Variants in DOCK5 observed in about 807,000 individuals in gnomAD.
DOCK5 encodes the protein dedicator of cytokinesis protein 5.
Under a neutral mutation model 251.8 loss-of-function variants are expected in DOCK5, and 142 were observed. That is an observed-to-expected ratio of 0.56 (90% confidence interval 0.49 to 0.65). The LOEUF (loss-of-function observed/expected upper bound fraction) is 0.65. DOCK5 is among the 30% of genes least tolerant of loss of function. DOCK5 has a pLI of 0.00. For synonymous variants in DOCK5, 842 were observed against 835.5 expected (o/e 1.01, Z -0.13); for missense variants, 2,111 against 2,312.3 (o/e 0.91, Z 1.79).
chr8:25,193,229 C>T (rs1391404799), intron 1 of DOCK5, among the ~76,000 whole-genome samples: 1 of 152,086 alleles, frequency 6.6e-6, no homozygotes, highest in Admixed American at 6.6e-5. Flanking sequence ...CAATACATAA[C>T]CTTATTTTAT....
At position 25,336,513 on chromosome 8, in the gene DOCK5, A is replaced by G. The variant is rs1805814082; in HGVS notation, c.2327+140A>G. 2.8e-5 allele frequency: 33 copies of G among 1,183,644 alleles called. 1 individual carries two copies. In the South Asian group the frequency reaches 5.5e-4, roughly 20 times the overall value. 73.3% of individuals were successfully genotyped at this position (1,183,644 alleles called of 1,614,324 possible). On this transcript the variant is annotated intron_variant, in intron 22 of 51. Coordinates refer to ENST00000276440, the MANE Select transcript of DOCK5 (RefSeq NM_024940.8). ...TTATTTCAGAACTGCAGGGCTGAAGATGGATTTGGGCTGCGTGTCTGTTGG... is the reference window on the plus strand; with the variant it reads ...TTATTTCAGAACTGCAGGGCTGAAGGTGGATTTGGGCTGCGTGTCTGTTGG...
chr8:25,415,074 C>G lies in DOCK5; in HGVS notation c.*3776C>G, dbSNP rs750169242. The G allele has an allele frequency of 1.3e-5, 2 of 152,084 alleles. No homozygotes were observed. Among genetic ancestry groups the G allele is most frequent in the Non-Finnish European group, 2.9e-5 (2 of 68,028 alleles). 9.4% of individuals were successfully genotyped at this position (152,084 alleles called of 1,614,324 possible). ...CATGGACTATACTTGTCCCATTTATCATCCCAGGTGGTGCTTTGACCCTGC... is the reference window on the plus strand; with the variant it reads ...CATGGACTATACTTGTCCCATTTATGATCCCAGGTGGTGCTTTGACCCTGC... On this transcript the variant is annotated 3_prime_UTR_variant, in exon 52 of 52. Transcript: ENST00000276440.
chr8:25,257,504 G>A (rs543666442), intron 2 of DOCK5, among the ~76,000 whole-genome samples: 3 of 152,272 alleles, frequency 2.0e-5, no homozygotes, highest in Admixed American at 6.5e-5. Flanking sequence ...ACGACATAAA[G>A]TTTTCCAAAG....
chr8:25,230,852 AAAATAAAT>A (rs911816594), intron 1 of DOCK5, among the ~76,000 whole-genome samples: 4 of 152,092 alleles, frequency 2.6e-5, no homozygotes, highest in African/African-American at 9.7e-5. Context: ...CTCCATCTCA[AAAATAAAT>A]AAATAAATAA....
Position 25,382,760 on chromosome 8 carries a change from C to T in DOCK5, c.4113C>T (p.Gly1371=), listed in dbSNP as rs748654502. The T allele has an allele frequency of 9.3e-6, 15 of 1,613,216 alleles. No individual in the cohort carries two copies. The highest frequency in any genetic ancestry group is 1.3e-5 in the Non-Finnish European group (15 of 1,179,544). ...TTGCTGTTGGATACTATGGACAGGGCTTTCCTTCTTTCCTACGGGTAAGAA... is the reference window on the plus strand; with the variant it reads ...TTGCTGTTGGATACTATGGACAGGGTTTTCCTTCTTTCCTACGGGTAAGAA... ...EYFAVGYYGQ[G]FPSFLRNKIF... is the part of the protein sequence containing the mutation. Residue 1371 remains glycine, a synonymous_variant, in exon 40 of 52, where the codon GGC becomes GGT. Coordinates refer to ENST00000276440, the MANE Select transcript of DOCK5 (RefSeq NM_024940.8).
intron 1 of DOCK5, among the ~76,000 whole-genome samples, chr8:25,207,340 A>C (rs982096288): frequency 1.6e-4 from 25 of 152,224 alleles, no homozygotes; most frequent in Non-Finnish European, 4.4e-5. Context: ...AAGTGGCTAC[A>C]CTAACAACAT....
intron 2 of DOCK5, among the ~76,000 whole-genome samples, chr8:25,266,280 A>G (rs1414227151): frequency 6.6e-6 from 1 of 150,674 alleles, no homozygotes; most frequent in Admixed American, 6.6e-5. Flanking sequence ...CAGTGGCACT[A>G]TCTCGGCTCA....
At chr8:25,389,614 C>T (rs928980492) in intron 41 of DOCK5, among the ~76,000 whole-genome samples, 7 of 152,126 alleles carry the variant, frequency 4.6e-5, no homozygotes, top group African/African-American at 1.4e-4. Flanking sequence ...AGAGCAGGAG[C>T]GCTTACACTT....
chr8:25,336,142 A>G (rs1805798663), intron 21 of DOCK5, 97 bp from the exon 22 acceptor site: 7 of 1,330,348 alleles, frequency 5.3e-6, no homozygotes, highest in South Asian at 2.8e-5. Context: ...TATGACTTCT[A>G]CTTCCAGGAT....
rs113752971 is a variant in DOCK5, at chr8:25,389,165, C to T, written c.4206C>T (p.Phe1402=). ...TCAGCCTGAGGTTGTTAACCCAGTT[C>T]CCCAATGCGGAGAAGATGACCAGTA... ...EDFSLRLLTQ[F]PNAEKMTSTT... The change falls in exon 41 of 52, where the codon TTC becomes TTT. Residue 1402 remains phenylalanine, a synonymous_variant. Transcript: ENST00000276440. 1.4e-4 allele frequency: 223 copies of T among 1,613,982 alleles called. No homozygotes were observed. The African/African-American group carries it at 2.0e-3, about 15-fold the overall frequency.
chr8:25,319,794 G>A, intron 15 of DOCK5, 118 bp downstream of exon 15: 1 of 639,614 alleles, frequency 1.6e-6, no homozygotes. Context: ...AGTTGCCTAT[G>A]GTGTGCAGTA....
chr8:25,247,747 T>C (rs568103105), intron 2 of DOCK5, among the ~76,000 whole-genome samples: 14 of 152,282 alleles, frequency 9.2e-5, no homozygotes, highest in African/African-American at 3.4e-4. Context: ...CACAGATACA[T>C]TCATTTCAAA....
chr8:25,220,979 T>TG (rs1802371518), intron 1 of DOCK5, among the ~76,000 whole-genome samples: 1 of 152,044 alleles, frequency 6.6e-6, no homozygotes, highest in South Asian at 2.1e-4. Flanking sequence ...TCTGGACCTG[T>TG]GGAGGGGGTG....
chr8:25,323,779 A>G, intron 16 of DOCK5, 69 bp from the exon 17 acceptor site: 1 of 1,538,780 alleles, frequency 6.5e-7, no homozygotes, highest in African/African-American at 1.4e-5. Context: ...CAAAATGTGA[A>G]ATCGTGTCAT....
At chr8:25,219,019 G>T (rs2117493994) in intron 1 of DOCK5, among the ~76,000 whole-genome samples, 1 of 152,114 alleles carries the variant, frequency 6.6e-6, no homozygotes. Context: ...TATTCATATT[G>T]ATGACTCTAA....
chr8:25,275,365 C>A, intron 3 of DOCK5, 21 bp from the exon 4 acceptor site: 1 of 1,587,652 alleles, frequency 6.3e-7, no homozygotes, highest in Non-Finnish European at 8.5e-7. Context: ...GGCCATATAA[C>A]CAAAATTCTT....
chr8:25,350,209 G>C lies in DOCK5; in HGVS notation c.2755-1522G>C, dbSNP rs549501233. ...CGCTGGATAAGTACAGTCTTTGCCA[G>C]TTAAATTTGTAAAAGATAATAAAAA... On this transcript the variant is annotated intron_variant, in intron 26 of 51. Coordinates refer to ENST00000276440, the MANE Select transcript of DOCK5 (RefSeq NM_024940.8). Among the ~76,000 whole-genome samples, 179 of 152,184 alleles carry C rather than the reference G, an allele frequency of 1.2e-3. 5 individuals carry two copies. Among genetic ancestry groups the C allele is most frequent in the Non-Finnish European group, 2.8e-4 (19 of 68,028 alleles).
chr8:25,321,610 C>T (rs182005233), intron 16 of DOCK5, among the ~76,000 whole-genome samples: 27 of 152,168 alleles, frequency 1.8e-4, no homozygotes, highest in Non-Finnish European at 2.6e-4. Flanking sequence ...GAGAATCTAA[C>T]GCTGCTGCTG....
intron 2 of DOCK5, among the ~76,000 whole-genome samples, chr8:25,251,085 G>A (rs1003357229): frequency 2.6e-5 from 4 of 152,160 alleles, no homozygotes; most frequent in Non-Finnish European, 5.9e-5. Flanking sequence ...TTTTAGGCCT[G>A]GAGTCTGAGG....
Sources: allele counts gnomAD v4.1 joint callset (sites outside exome capture counted in the v4.1 genomes callset), GRCh38; gene constraint gnomAD v4.1.1; transcripts MANE v1.5; gene names NCBI Gene and HGNC (gene_info 2026-07-23, HGNC 2026-07-21).